Variants in ADGRL2 observed in about 807,000 individuals in gnomAD.
The protein encoded by ADGRL2 is calcium-independent alpha-latrotoxin receptor 2.
A neutral mutation model predicts 157.4 loss-of-function variants in ADGRL2; 44 were observed. The observed-to-expected ratio is 0.28, with a 90% CI of 0.22 to 0.36. The LOEUF (loss-of-function observed/expected upper bound fraction) is 0.36. Ranked by LOEUF, ADGRL2 falls within the 10% of genes least tolerant of loss-of-function variation. The pLI is 1.00. For synonymous variants in ADGRL2, 585 were observed against 624.7 expected (o/e 0.94, Z 0.95); for missense variants, 1,510 against 1,768.9 (o/e 0.85, Z 2.63).
chr1:81,517,275 A>G (rs1291087555), intron 2 of ADGRL2, among the ~76,000 whole-genome samples: 4 of 151,930 alleles, frequency 2.6e-5, no homozygotes, highest in Admixed American at 1.3e-4. Flanking sequence ...GTTCAAGACC[A>G]GCCTGACCAA....
At chr1:81,950,980 G>T (rs1313743690) in intron 7 of ADGRL2, 38 bp from the exon 8 acceptor site, 2 of 1,328,542 alleles carry the variant, frequency 1.5e-6, no homozygotes, top group Non-Finnish European at 2.2e-6. Context: ...GCAGAAAAAT[G>T]GTTTCAATTT....
chr1:81,503,106 G>A (rs1376880053), intron 2 of ADGRL2: 12 of 1,612,268 alleles, frequency 7.4e-6, no homozygotes, highest in East Asian at 2.2e-5. Context: ...AGGCGTCGAG[G>A]CTGTCTGAGG....
rs1022443040 is a variant in ADGRL2, at chr1:81,943,843, T to G, written c.1210+74T>G. ...TTTCTTTTTAAAGACTTCTTAATTT[T>G]TTTTTCCTATTTTCTTCCCCTTTTC... On this transcript the variant is annotated intron_variant, in intron 6 of 23. Transcript: ENST00000686636. This position sits in a 1 kb window ranked among gnomAD's most constrained non-coding sequence, Gnocchi z 5.6. 7 of 1,183,510 alleles carry G rather than the reference T, an allele frequency of 5.9e-6. No individual in the cohort carries two copies. The highest frequency in any genetic ancestry group is 1.5e-5 in the African/African-American group (1 of 64,618). 73.3% of individuals were successfully genotyped at this position (1,183,510 alleles called of 1,614,324 possible). A position where few individuals can be genotyped will look rare whatever the true frequency, so the allele number is the denominator to read the frequency against.
At chr1:81,577,580 C>T (rs545135028) in intron 2 of ADGRL2, among the ~76,000 whole-genome samples, 8 of 152,154 alleles carry the variant, frequency 5.3e-5, no homozygotes, top group Non-Finnish European at 8.8e-5. Context: ...CTTAAGCCTT[C>T]GCCTCTGCAA....
At chr1:81,956,117 A>G in intron 11 of ADGRL2, 57 bp downstream of exon 11, 1 of 1,287,012 alleles carries the variant, frequency 7.8e-7, no homozygotes, top group East Asian at 2.5e-5. Context: ...ATGTAAGAGG[A>G]TGATGTTTCC....
chr1:81,729,921 A>C (rs1038416742), intron 1 of ADGRL2, among the ~76,000 whole-genome samples: 1 of 152,176 alleles, frequency 6.6e-6, no homozygotes, highest in African/African-American at 2.4e-5. Context: ...TATATCCTCA[A>C]ATTGTGGCAA....
intron 2 of ADGRL2, among the ~76,000 whole-genome samples, chr1:81,903,772 A>G (rs570716252): frequency 2.7e-5 from 4 of 146,286 alleles, no homozygotes; most frequent in African/African-American, 1.0e-4. Context: ...ATATATACAC[A>G]TTATATATAT....
At chr1:81,879,841 A>G (rs1340923594) in intron 2 of ADGRL2, among the ~76,000 whole-genome samples, 1 of 152,060 alleles carries the variant, frequency 6.6e-6, no homozygotes, top group African/African-American at 2.4e-5. Flanking sequence ...AGCCTGGCCA[A>G]TGTGGTGAAA....
intron 2 of ADGRL2, among the ~76,000 whole-genome samples, chr1:81,494,029 AATC>A (rs1177360098): frequency 1.3e-5 from 2 of 152,276 alleles, no homozygotes; most frequent in African/African-American, 2.4e-5. Flanking sequence ...TTCACTTTGA[AATC>A]AGCTGAATGC....
intron 2 of ADGRL2, among the ~76,000 whole-genome samples, chr1:81,513,241 A>T (rs890636813): frequency 1.6e-4 from 24 of 152,136 alleles, no homozygotes; most frequent in African/African-American, 5.1e-4. Flanking sequence ...ATTGGTTGTG[A>T]TTTTTGATAG....
At chr1:81,403,381 C>A (rs527611856) in intron 1 of ADGRL2, among the ~76,000 whole-genome samples, 21 of 152,120 alleles carry the variant, frequency 1.4e-4, no homozygotes, top group Non-Finnish European at 2.8e-4. Context: ...TCTCATACCT[C>A]AACCTCCAAA....
At chr1:81,493,004 A>C (rs887094953) in intron 2 of ADGRL2, among the ~76,000 whole-genome samples, 1 of 152,226 alleles carries the variant, frequency 6.6e-6, no homozygotes, top group Non-Finnish European at 1.5e-5. Context: ...GAGCAAATAC[A>C]TAAAACTATA....
rs577265430 is a variant in ADGRL2 at position 81,452,927 on chromosome 1, C to T, written c.-248+7838C>T. Reference sequence around the variant, plus strand: ...ATGAGGTGTCAGGACAATCAAGACACGGCAATATTTTAAAATGCAGACATT... The same window carrying T: ...ATGAGGTGTCAGGACAATCAAGACATGGCAATATTTTAAAATGCAGACATT... On this transcript the variant is annotated intron_variant, in intron 2 of 24. Coordinates refer to the ADGRL2 transcript ENST00000370721. Among the ~76,000 whole-genome samples, 14 of 152,226 alleles carry T rather than the reference C, an allele frequency of 9.2e-5. No homozygotes were observed. The East Asian group carries it at 1.2e-3, about 13-fold the overall frequency.
intron 1 of ADGRL2, among the ~76,000 whole-genome samples, chr1:81,408,317 A>ATT (rs56129762): frequency 2.7e-4 from 41 of 151,908 alleles, no homozygotes; most frequent in Admixed American, 1.2e-3. Context: ...CAGAATGCTC[A>ATT]TTTTTTTTAA....
At chr1:81,486,320 CT>C (rs1225918312) in intron 2 of ADGRL2, among the ~76,000 whole-genome samples, 1 of 152,112 alleles carries the variant, frequency 6.6e-6, no homozygotes, top group African/African-American at 2.4e-5. Flanking sequence ...CTATTTTCAT[CT>C]TTCTATTTTG....
At chr1:81,343,680 CAG>C (rs1557612426) in intron 1 of ADGRL2, among the ~76,000 whole-genome samples, 1 of 150,910 alleles carries the variant, frequency 6.6e-6, no homozygotes, top group Non-Finnish European at 1.5e-5. Flanking sequence ...CCTCACAAGA[CAG>C]AGAGAGAGAG....
At chr1:81,982,813 C>A (rs1662040052) in intron 19 of ADGRL2, among the ~76,000 whole-genome samples, 1 of 151,892 alleles carries the variant, frequency 6.6e-6, no homozygotes, top group Non-Finnish European at 1.5e-5. Flanking sequence ...AATGTATATT[C>A]ACAGCAATAT....
At chr1:81,631,035 T>A (rs2082001431) in intron 3 of ADGRL2, among the ~76,000 whole-genome samples, 1 of 152,182 alleles carries the variant, frequency 6.6e-6, no homozygotes, top group Non-Finnish European at 1.5e-5. Flanking sequence ...GAAAAAAATC[T>A]AACTTATTCT....
chr1:81,941,984 T>A, intron 4 of ADGRL2, 50 bp from the exon 5 acceptor site: 1 of 750,200 alleles, frequency 1.3e-6, no homozygotes, highest in Non-Finnish European at 2.5e-6. Context: ...ATCTTTTTTC[T>A]TTTTTCCTTG....
Sources: gnomAD v4.1 joint callset for allele counts (sites outside exome capture counted in the v4.1 genomes callset) on GRCh38, gnomAD v4.1.1 for gene constraint, Gnocchi (gnomAD v3.1) non-coding constraint, MANE v1.5 for transcripts, NCBI Gene and HGNC (gene_info 2026-07-23, HGNC 2026-07-21) for gene names.